Variants in PHKA1 observed in about 807,000 individuals in gnomAD.
PHKA1 encodes phosphorylase kinase regulatory subunit alpha 1, also known as phosphorylase b kinase regulatory subunit alpha, skeletal muscle isoform.
PHKA1 carries 60 observed loss-of-function variants against 110.2 expected under a neutral mutation model. The observed-to-expected ratio is 0.54, with a 90% CI of 0.44 to 0.68. The LOEUF (loss-of-function observed/expected upper bound fraction) is 0.68. Ranked by LOEUF, PHKA1 falls within the 30% of genes least tolerant of loss-of-function variation. The probability of loss-of-function intolerance (pLI) is 0.00; values close to 1 mark genes in which losing one functional copy is unlikely to be tolerated. For synonymous variants in PHKA1, 316 were observed against 333.6 expected, an observed-to-expected ratio of 0.95 and a Z score of 0.58; for missense variants, 801 against 942.5, an observed-to-expected ratio of 0.85 and a Z score of 1.97.
chrX:72,654,769 T>C lies in PHKA1; in HGVS notation c.1042-1239A>G, dbSNP rs782325687. Among the ~76,000 whole-genome samples, 72 of 111,820 alleles carry C rather than the reference T, an allele frequency of 6.4e-4. 1 individual carries two copies. The highest frequency in any genetic ancestry group is 2.1e-3 in the African/African-American group (64 of 30,860). ...CATTTTCTCATAAGCCCTGTAGTTT[T>C]TATTTCTTAAATATGCATAGCATGG... On this transcript the variant is annotated intron_variant, in intron 10 of 31. Coordinates refer to ENST00000373542, the MANE Select transcript of PHKA1 (RefSeq NM_002637.4).
intron 5 of PHKA1, among the ~76,000 whole-genome samples, chrX:72,678,103 G>C (rs1556312663): frequency 9.0e-6 from 1 of 111,030 alleles, no homozygotes; most frequent in Non-Finnish European, 1.9e-5. Context: ...TTCACTTTTT[G>C]GCACTGTAAG....
intron 8 of PHKA1, among the ~76,000 whole-genome samples, chrX:72,664,038 T>C (rs782202874): frequency 8.1e-5 from 9 of 110,799 alleles, no homozygotes; most frequent in Non-Finnish European, 1.3e-4. Context: ...ACAAAGGATA[T>C]ACAAAACAAC....
intron 29 of PHKA1, among the ~76,000 whole-genome samples, chrX:72,589,768 T>C (rs1310702855): frequency 1.9e-5 from 2 of 106,930 alleles, no homozygotes; most frequent in African/African-American, 6.7e-5. Flanking sequence ...TTCACAAGCA[T>C]TCCTATATAC....
Position 72,636,363 on chromosome X carries a change from T to C in PHKA1, c.1483A>G (p.Ser495Gly). The C allele has an allele frequency of 8.5e-7, 1 of 1,183,245 alleles. No homozygotes were observed. The highest frequency in any genetic ancestry group is 1.2e-6 in the Non-Finnish European group (1 of 869,330). ...CCCATGTGTCTGTAGGGTCGTCCAC[T>C]GAGTTTCATTCTATTGTTGCATCCT... ...SLGCNNRMKLSGRPYRHMGVL... is the reference protein window; with the variant it reads ...SLGCNNRMKLGGRPYRHMGVL... The change falls in exon 15 of 32, where the codon AGT (serine) becomes GGT (glycine). Residue 495 changes from serine to glycine, a missense_variant. By Grantham distance (56) the Ser-to-Gly change is moderately conservative. Coordinates refer to ENST00000373542, the MANE Select transcript of PHKA1 (RefSeq NM_002637.4).
intron 21 of PHKA1, 78 bp from the exon 22 acceptor site, chrX:72,611,262 A>G: frequency 5.0e-6 from 4 of 798,938 alleles, no homozygotes; most frequent in Non-Finnish European, 7.6e-6. Flanking sequence ...TGTTATAATG[A>G]ACATGCCTGT....
At chrX:72,613,319 A>G (rs2052840770) in intron 21 of PHKA1, among the ~76,000 whole-genome samples, 1 of 109,508 alleles carries the variant, frequency 9.1e-6, no homozygotes, top group South Asian at 4.0e-4. Flanking sequence ...AAATAGGGGT[A>G]AAATTATCCC....
At chrX:72,666,888 G>C (rs1307218001) in intron 7 of PHKA1, among the ~76,000 whole-genome samples, 1 of 112,124 alleles carries the variant, frequency 8.9e-6, no homozygotes, top group Non-Finnish European at 1.9e-5. Flanking sequence ...ATGCCAATGA[G>C]AAAAACCTTA....
At chrX:72,635,088 T>C in intron 16 of PHKA1, 67 bp downstream of exon 16, 1 of 1,142,557 alleles carries the variant, frequency 8.8e-7, no homozygotes, top group Non-Finnish European at 1.2e-6. Flanking sequence ...AACAACAAGA[T>C]GTTGAAGGGC....
chrX:72,705,601 G>C (rs1280485916), intron 2 of PHKA1, among the ~76,000 whole-genome samples: 1 of 111,932 alleles, frequency 8.9e-6, no homozygotes, highest in Non-Finnish European at 1.9e-5. Context: ...GGCCTAGAAA[G>C]ACTTCACTAC....
intron 6 of PHKA1, among the ~76,000 whole-genome samples, chrX:72,668,823 A>T (rs1279155136): frequency 5.4e-5 from 6 of 111,949 alleles, no homozygotes; most frequent in African/African-American, 2.0e-4. Context: ...AGCACCAAGG[A>T]TAAGACTCAA....
intron 28 of PHKA1, among the ~76,000 whole-genome samples, chrX:72,601,265 G>A (rs1247665121): frequency 9.0e-6 from 1 of 111,725 alleles, no homozygotes; most frequent in African/African-American, 3.3e-5. Flanking sequence ...AATGATACTT[G>A]TTAAAGCACG....
chrX:72,607,063 T>G (rs1324266702), intron 23 of PHKA1, among the ~76,000 whole-genome samples: 1 of 111,977 alleles, frequency 8.9e-6, no homozygotes, highest in Non-Finnish European at 1.9e-5. Context: ...CTCATTTTTT[T>G]TGTGTCTGAA....
intron 21 of PHKA1, among the ~76,000 whole-genome samples, chrX:72,611,784 A>C (rs1296511270): frequency 1.8e-5 from 2 of 112,342 alleles, no homozygotes; most frequent in Non-Finnish European, 1.9e-5. Flanking sequence ...TAAAGTTGAT[A>C]ACACTATTTT....
chrX:72,671,046 G>T (rs1307568953), intron 6 of PHKA1, among the ~76,000 whole-genome samples: 1 of 111,113 alleles, frequency 9.0e-6, no homozygotes, highest in Non-Finnish European at 1.9e-5. Flanking sequence ...TGCCCTCTCT[G>T]ACCACTCCTA....
chrX:72,692,679 C>T (rs182329524), intron 4 of PHKA1, among the ~76,000 whole-genome samples: 13 of 111,483 alleles, frequency 1.2e-4, no homozygotes, highest in African/African-American at 3.6e-4. Context: ...GTGATGTCCC[C>T]TCTTTTATTC....
At chrX:72,681,444 T>TTGAG (rs2053867177) in intron 5 of PHKA1, among the ~76,000 whole-genome samples, 1 of 47,655 alleles carries the variant, frequency 2.1e-5, no homozygotes, top group African/African-American at 8.1e-5. Context: ...GGGAGGGAGG[T>TTGAG]GGGGGGGTCA....
At chrX:72,689,837 T>C (rs190317534) in intron 4 of PHKA1, among the ~76,000 whole-genome samples, 1 of 111,902 alleles carries the variant, frequency 8.9e-6, no homozygotes, top group Non-Finnish European at 1.9e-5. Flanking sequence ...CCACCAGCAG[T>C]GTATGAGGGT....
chrX:72,697,529 A>C (rs2147828607), intron 3 of PHKA1, among the ~76,000 whole-genome samples: 1 of 109,152 alleles, frequency 9.2e-6, no homozygotes, highest in Non-Finnish European at 1.9e-5. Flanking sequence ...AGAAAAAAAA[A>C]CAAGGTCTCC....
At chrX:72,691,990 G>T (rs979749392) in intron 4 of PHKA1, among the ~76,000 whole-genome samples, 4 of 112,069 alleles carry the variant, frequency 3.6e-5, no homozygotes, top group Non-Finnish European at 7.5e-5. Context: ...CATGTTAGCT[G>T]TGGATTTTCA....
Sources: gnomAD v4.1 joint callset for allele counts (sites outside exome capture counted in the v4.1 genomes callset) on GRCh38, gnomAD v4.1.1 for gene constraint, MANE v1.5 for transcripts, NCBI Gene and HGNC (gene_info 2026-07-23, HGNC 2026-07-21) for gene names.